The following MYO5A variants were observed in gnomAD, a reference collection of about 807,000 sequenced individuals.
MYO5A encodes the protein unconventional myosin-Va.
A neutral mutation model predicts 249.7 loss-of-function variants in MYO5A; 98 were observed. The ratio of observed to expected loss-of-function variants is 0.39; its 90% CI spans 0.33 to 0.46. MYO5A has a LOEUF of 0.46. MYO5A is among the 20% of genes least tolerant of loss of function. MYO5A has a pLI of 0.98. For synonymous variants in MYO5A, 778 were observed against 810.6 expected, an observed-to-expected ratio of 0.96 and a Z score of 0.68; for missense variants, 1,696 against 2,308.8, an observed-to-expected ratio of 0.73 and a Z score of 5.44.
intron 1 of MYO5A, among the ~76,000 whole-genome samples, chr15:52,460,522 T>G (rs1383753494): frequency 6.6e-6 from 1 of 152,224 alleles, no homozygotes; most frequent in Non-Finnish European, 1.5e-5. Flanking sequence ...GGCGCGCGCC[T>G]GCAATCCCAG....
At chr15:52,479,924 C>T (rs2076680898) in intron 1 of MYO5A, among the ~76,000 whole-genome samples, 1 of 151,678 alleles carries the variant, frequency 6.6e-6, no homozygotes, top group Admixed American at 6.6e-5. Flanking sequence ...TGCTCTTCTC[C>T]ACCAGTTTGT....
In MYO5A at chr15:52,397,107, C is replaced by T. The variant is rs1199402940; in HGVS notation, c.1319+94G>A. 2.1e-6 allele frequency: 3 copies of T among 1,429,052 alleles called. No homozygotes were observed. The South Asian group carries it at 3.5e-5, about 17-fold the overall frequency. 88.5% of individuals were successfully genotyped at this position (1,429,052 alleles called of 1,614,324 possible). A position where few individuals can be genotyped will look rare whatever the true frequency, so the allele number is the denominator to read the frequency against. ...TAGGCAAAGTTTCCCTTCTCTTTAC[C>T]AGTAGGAAACAGAATCAAATGCCCA... On this transcript the variant is annotated intron_variant, in intron 10 of 41. Coordinates refer to ENST00000399233, the MANE Select transcript of MYO5A (RefSeq NM_001382347.1).
chr15:52,460,410 C>T (rs145363150), intron 1 of MYO5A, among the ~76,000 whole-genome samples: 3 of 152,136 alleles, frequency 2.0e-5, no homozygotes, highest in East Asian at 1.9e-4. Context: ...CTCGGGAGGC[C>T]GAGGCTGGCA....
chr15:52,336,357 C>T (rs2039116511), intron 34 of MYO5A, 106 bp downstream of exon 34: 3 of 717,316 alleles, frequency 4.2e-6, no homozygotes, highest in Non-Finnish European at 7.4e-6. Context: ...GTTATTATCC[C>T]TAATATTTGC....
At chr15:52,501,095 G>T (rs1018658625) in intron 1 of MYO5A, among the ~76,000 whole-genome samples, 1 of 151,414 alleles carries the variant, frequency 6.6e-6, no homozygotes, top group Non-Finnish European at 1.5e-5. Flanking sequence ...TCAGCCTCCC[G>T]AGTAGCTGGG....
rs76364723 is a variant in MYO5A, at chr15:52,348,348, C to T, written c.3858+470G>A. Among the ~76,000 whole-genome samples the T allele has an allele frequency of 3.1e-3, 472 of 152,314 alleles. 4 individuals are homozygous for T. Among genetic ancestry groups the T allele is most frequent in the East Asian group, 0.028 (144 of 5,186 alleles). On this transcript the variant is annotated intron_variant, in intron 29 of 41. Transcript: ENST00000399233. The stretch of plus-strand genomic sequence containing the variant: ...AAATTTGACTTTGCAACCTCGTCAA[C>T]GAGCCACATTTCATTCTAGCTGTGG...
chr15:52,389,508 A>G lies in MYO5A; in HGVS notation c.1543-145T>C, dbSNP rs2042119702. On this transcript the variant is annotated intron_variant, in intron 12 of 41. Coordinates refer to ENST00000399233, the MANE Select transcript of MYO5A (RefSeq NM_001382347.1). ...TTCAATTTAGGAGTTCATTCCTTCC[A>G]CATTTCATTGTTAGAGGCCAACAAC... The G allele has an allele frequency of 3.7e-6, 3 of 802,768 alleles. No homozygotes were observed. The Admixed American group carries it at 8.7e-5, about 23-fold the overall frequency. 49.7% of individuals were successfully genotyped at this position (802,768 alleles called of 1,614,324 possible).
rs577141073 is a variant in MYO5A, at chr15:52,349,379, C to G, written c.3850-553G>C. Among the ~76,000 whole-genome samples, 352 of 151,734 alleles carry G rather than the reference C, an allele frequency of 2.3e-3. 1 individual carries two copies. Among genetic ancestry groups the G allele is most frequent in the African/African-American group, 7.9e-3 (327 of 41,382 alleles). ...AGTGAGACAAACAGCCCTGGGGAGT[C>G]TGGAAGATCTTAATTAGTGTCAAGG... On this transcript the variant is annotated intron_variant, in intron 28 of 41. Coordinates refer to ENST00000399233, the MANE Select transcript of MYO5A (RefSeq NM_001382347.1).
At chr15:52,499,966 T>C (rs1334590308) in intron 1 of MYO5A, among the ~76,000 whole-genome samples, 5 of 152,184 alleles carry the variant, frequency 3.3e-5, no homozygotes, top group African/African-American at 4.8e-5. Context: ...GGGGATCGCT[T>C]GGGTGATCAG....
chr15:52,527,676 C>G (rs1306701448), intron 1 of MYO5A, among the ~76,000 whole-genome samples: 1 of 152,174 alleles, frequency 6.6e-6, no homozygotes, highest in Non-Finnish European at 1.5e-5. Context: ...GTGACTTGTC[C>G]AAGGTCACAG....
chr15:52,420,044 G>A (rs991856021), intron 4 of MYO5A, among the ~76,000 whole-genome samples: 2 of 152,088 alleles, frequency 1.3e-5, no homozygotes, highest in Non-Finnish European at 2.9e-5. Context: ...GGTGGCTCAC[G>A]CCTGTAATCC....
chr15:52,383,154 A>G lies in MYO5A; in HGVS notation c.1949T>C (p.Leu650Pro). The G allele has an allele frequency of 1.2e-6, 2 of 1,614,050 alleles. No individual in the cohort carries two copies. Among genetic ancestry groups the G allele is most frequent in the Non-Finnish European group, 1.7e-6 (2 of 1,179,942 alleles). Residue 650 changes from leucine (L) to proline (P), a missense_variant, in exon 16 of 42, where the codon CTC becomes CCC. Leu to Pro is a moderately conservative substitution (Grantham distance 98). Around this residue, in one of 5 missense-constraint regions of MYO5A, gnomAD observed 277 missense variants for 422.4 expected, o/e 0.66. Transcript: ENST00000399233. ...CACATAGTGAGGGGTAGTGGCATTGAGTGTCTCCATAAGCAGGTGCAGGGA... is the reference window on the plus strand; with the variant it reads ...CACATAGTGAGGGGTAGTGGCATTGGGTGTCTCCATAAGCAGGTGCAGGGA... Reference protein sequence around the residue: ...RNSLHLLMETLNATTPHYVRC... With the variant: ...RNSLHLLMETPNATTPHYVRC...
intron 15 of MYO5A, 151 bp downstream of exon 15, chr15:52,384,010 G>C (rs2242059): frequency 1.1e-6 from 1 of 883,572 alleles, no homozygotes; most frequent in African/African-American, 1.7e-5. Context: ...GTGGAGAAGA[G>C]TTTTAGTGGA....
chr15:52,487,431 T>A (rs200217541), intron 1 of MYO5A, among the ~76,000 whole-genome samples: 12 of 146,646 alleles, frequency 8.2e-5, no homozygotes, highest in South Asian at 4.4e-4. Flanking sequence ...TAAAAAAAAA[T>A]TAAAAATAAG....
intron 9 of MYO5A, among the ~76,000 whole-genome samples, chr15:52,402,783 T>G (rs1484733328): frequency 6.6e-6 from 1 of 152,028 alleles, no homozygotes; most frequent in South Asian, 2.1e-4. Context: ...AGGTGGAGGT[T>G]GCAGTGAGCC....
intron 1 of MYO5A, among the ~76,000 whole-genome samples, chr15:52,461,261 T>C (rs1265649034): frequency 6.6e-6 from 1 of 152,182 alleles, no homozygotes; most frequent in Admixed American, 6.5e-5. Context: ...CCAATAGGTA[T>C]GTTTTGTAAA....
At chr15:52,419,035 C>T (rs967343825) in intron 4 of MYO5A, among the ~76,000 whole-genome samples, 6 of 152,160 alleles carry the variant, frequency 3.9e-5, no homozygotes, top group African/African-American at 1.4e-4. Flanking sequence ...ATTACATCTA[C>T]GTCATCAACA....
chr15:52,375,520 T>C, intron 19 of MYO5A, 60 bp from the exon 20 acceptor site: 1 of 1,561,952 alleles, frequency 6.4e-7, no homozygotes, highest in Non-Finnish European at 8.8e-7. Flanking sequence ...GGAATACATA[T>C]TAGAGAAACT....
intron 11 of MYO5A, among the ~76,000 whole-genome samples, chr15:52,392,412 G>A (rs2042280084): frequency 6.6e-6 from 1 of 152,212 alleles, no homozygotes; most frequent in Non-Finnish European, 1.5e-5. Flanking sequence ...TGGGACACAG[G>A]AATGCCTTAG....
Sources: gnomAD v4.1 joint callset for allele counts (sites outside exome capture counted in the v4.1 genomes callset) on GRCh38, gnomAD v4.1.1 for gene constraint, gnomAD v4.1.1 regional missense constraint, MANE v1.5 for transcripts, NCBI Gene and HGNC (gene_info 2026-07-23, HGNC 2026-07-21) for gene names.